CATIP: variants seen among roughly 807,000 people sequenced by gnomAD.
CATIP encodes ciliogenesis associated TTC17 interacting protein.
CATIP carries 40 observed loss-of-function variants against 42.5 expected under a neutral mutation model. The observed-to-expected ratio is 0.94, with a 90% confidence interval of 0.73 to 1.22. The LOEUF (loss-of-function observed/expected upper bound fraction) is 1.22, where lower values mean the gene tolerates loss of function less well. Ranked by LOEUF, CATIP falls within the 50% of genes most tolerant of loss-of-function variation. The probability of loss-of-function intolerance (pLI) is 0.00; values close to 1 mark genes in which losing one functional copy is unlikely to be tolerated. For missense variants in CATIP, 489 were observed against 496.0 expected (o/e 0.99, Z 0.13); for synonymous variants, 222 against 200.2 (o/e 1.11, Z -0.92).
intron 6 of CATIP, among the ~76,000 whole-genome samples, chr2:218,363,485 CAAAA>C (rs35752655): frequency 1.1e-5 from 1 of 89,840 alleles, no homozygotes; most frequent in African/African-American, 4.8e-5. Flanking sequence ...GACTCTGTCT[CAAAA>C]AAAAAAAACA....
In CATIP at chr2:218,367,819, CGGA is replaced by C; in HGVS notation, c.1023_1025del (p.Glu341del). 1.9e-6 allele frequency: 3 copies of C among 1,613,120 alleles called. 1 individual carries two copies. In the South Asian group the frequency reaches 3.3e-5, roughly 18 times the overall value. On this transcript the variant is annotated inframe_deletion, in exon 10 of 10. Coordinates refer to ENST00000289388, the MANE Select transcript of CATIP (RefSeq NM_198559.2). ...CTGCTCTTCCTGCTGCTGCGCCAGCCGGAGGACGTGGTCACCTTCGCCGCCGAG... is the reference window on the plus strand; with the variant it reads ...CTGCTCTTCCTGCTGCTGCGCCAGCCGGACGTGGTCACCTTCGCCGCCGAG...
At position 218,357,955 on chromosome 2, in the gene CATIP, C is replaced by T; in HGVS notation, c.320-82C>T. ...CTGGGACCGTATTACACCTAGTCCT[C>T]CAGCTGCGCCACCACCTTCCCTTCC... On this transcript the variant is annotated intron_variant, in intron 3 of 9. Coordinates refer to ENST00000289388, the MANE Select transcript of CATIP (RefSeq NM_198559.2). The T allele has an allele frequency of 2.2e-6, 3 of 1,352,384 alleles. No individual in the cohort carries two copies. In the East Asian group the frequency reaches 6.9e-5, roughly 31 times the overall value. The allele number at this position is 1,352,384 out of a possible 1,614,324, so 83.8% of individuals were successfully genotyped here. A position where few individuals can be genotyped will look rare whatever the true frequency, so the allele number is the denominator to read the frequency against.
At position 218,362,716 on chromosome 2, in the gene CATIP, C is replaced by G; in HGVS notation, c.463-19C>G. On this transcript the variant is annotated intron_variant, in intron 5 of 9. Transcript: ENST00000289388. ...CCCTTCCTGGTTCCAGGACCCTGAC[C>G]CAGATCAGTTCTGAACAGGAAGTGA... 1 of 1,611,008 alleles carries G rather than the reference C, an allele frequency of 6.2e-7. No individual in the cohort carries two copies.
rs776746427 is a variant in CATIP, at chr2:218,364,669, G to A, written c.672G>A (p.Gln224=). 3.7e-6 allele frequency: 6 copies of A among 1,614,008 alleles called. No homozygotes were observed. The highest frequency in any genetic ancestry group is 4.2e-6 in the Non-Finnish European group (5 of 1,179,982). Residue 224 remains glutamine (Q), a synonymous_variant, in exon 7 of 10, where the codon CAG becomes CAA. Coordinates refer to ENST00000289388, the MANE Select transcript of CATIP (RefSeq NM_198559.2). Reference sequence around the variant, plus strand: ...AGACCATCCAGGTAGACCATCAGCAGGCTGAAGTCTTCATCGTGGAGCAGA... The same window carrying A: ...AGACCATCCAGGTAGACCATCAGCAAGCTGAAGTCTTCATCGTGGAGCAGA... The part of the protein sequence containing the change: ...GFQTIQVDHQ[Q]AEVFIVEQTV...
chr2:218,356,908 A>G lies in CATIP; in HGVS notation c.24A>G (p.Thr8=). 1.9e-6 allele frequency: 3 copies of G among 1,614,030 alleles called. No homozygotes were observed. The highest frequency in any genetic ancestry group is 2.5e-6 in the Non-Finnish European group (3 of 1,179,978). The change falls in exon 1 of 10, where the codon ACA becomes ACG. Residue 8 remains threonine (T), a splice_region_variant and synonymous_variant. Coordinates refer to ENST00000289388, the MANE Select transcript of CATIP (RefSeq NM_198559.2). MSSKVYS[T]GSRAKDHQPS... is the part of the protein sequence containing the mutation. ...GCATGTCCTCCAAGGTTTACTCCACAGGTGGGAAGAGGACTGCTGGGGCTG... is the reference window on the plus strand; with the variant it reads ...GCATGTCCTCCAAGGTTTACTCCACGGGTGGGAAGAGGACTGCTGGGGCTG...
At chr2:218,357,025 C>A in intron 1 of CATIP, 70 bp from the exon 2 acceptor site, 4 of 1,562,206 alleles carry the variant, frequency 2.6e-6, no homozygotes, top group Non-Finnish European at 2.6e-6. Context: ...ACTGAGGTAC[C>A]CTGCCTTGCC....
Position 218,368,065 on chromosome 2 carries a change from G to C in CATIP, c.*101G>C. 7.5e-7 allele frequency: 1 copy of C among 1,330,642 alleles called. No homozygotes were observed. The highest frequency in any genetic ancestry group is 1.6e-5 in the South Asian group (1 of 64,446). The allele number at this position is 1,330,642 out of a possible 1,614,324, so 82.4% of individuals were successfully genotyped here. ...CGCTTTCCGGGCTGCGGTTTTGGGG[G>C]AATAAATGGGGCCCTCCCGCTTCTC... is the stretch of plus-strand genomic sequence containing the variant. On this transcript the variant is annotated 3_prime_UTR_variant, in exon 10 of 10. Transcript: ENST00000289388.
At chr2:218,358,219 G>C in intron 4 of CATIP, 127 bp downstream of exon 4, 1 of 748,596 alleles carries the variant, frequency 1.3e-6, no homozygotes, top group South Asian at 1.7e-5. Context: ...AATAGCAATC[G>C]TGTTATGATG....
At chr2:218,365,441 C>G (rs1356661886) in intron 7 of CATIP, 1 of 151,416 alleles carries the variant, frequency 6.6e-6, no homozygotes, top group Non-Finnish European at 1.5e-5. Context: ...AAAGAAAATT[C>G]AGGTGGAAGA....
intron 9 of CATIP, 37 bp from the exon 10 acceptor site, chr2:218,367,685 C>T: frequency 6.3e-7 from 1 of 1,577,698 alleles, no homozygotes; most frequent in Non-Finnish European, 8.6e-7. Flanking sequence ...GCGCGGGGGT[C>T]CCGTCCGGCT....
At chr2:218,361,326 A>T (rs1303309517) in intron 5 of CATIP, among the ~76,000 whole-genome samples, 2 of 151,730 alleles carry the variant, frequency 1.3e-5, no homozygotes, top group Non-Finnish European at 2.9e-5. Context: ...CTAAGCTGAG[A>T]TCACGCCACT....
chr2:218,363,339 A>C (rs1418672598), intron 6 of CATIP, among the ~76,000 whole-genome samples: 24 of 150,988 alleles, frequency 1.6e-4, no homozygotes, highest in Non-Finnish European at 2.7e-4. Flanking sequence ...AAAAAAAATC[A>C]GCGGGGCGTG....
intron 7 of CATIP, chr2:218,366,040 C>T (rs1033423078): frequency 2.6e-5 from 4 of 152,118 alleles, no homozygotes; most frequent in Non-Finnish European, 5.9e-5. Context: ...GTCTCAAACA[C>T]CTGACCTGAA....
chr2:218,361,360 C>T (rs1351274520), intron 5 of CATIP, among the ~76,000 whole-genome samples: 2 of 149,170 alleles, frequency 1.3e-5, no homozygotes, highest in African/African-American at 2.5e-5. Context: ...GGCGACAGAG[C>T]AAGACTCCGT....
intron 4 of CATIP, 37 bp downstream of exon 4, chr2:218,358,129 G>A: frequency 6.4e-7 from 1 of 1,566,360 alleles, no homozygotes; most frequent in Non-Finnish European, 8.7e-7. Flanking sequence ...CCAATCCAGG[G>A]GAGAGAAGAC....
intron 5 of CATIP, among the ~76,000 whole-genome samples, chr2:218,361,430 G>C (rs1018892986): frequency 2.0e-5 from 3 of 152,084 alleles, no homozygotes; most frequent in Non-Finnish European, 2.9e-5. Context: ...ACTCGAGGCA[G>C]GGAGGGGGCT....
intron 5 of CATIP, 120 bp from the exon 6 acceptor site, chr2:218,362,615 A>G (rs1695274616): frequency 4.0e-6 from 4 of 990,188 alleles, no homozygotes; most frequent in Non-Finnish European, 5.9e-6. Flanking sequence ...CTGGGTGACA[A>G]AAAGCGAAAC....
intron 4 of CATIP, among the ~76,000 whole-genome samples, chr2:218,358,883 C>CAAAAAAA (rs34797850): frequency 8.1e-6 from 1 of 123,730 alleles, no homozygotes; most frequent in Non-Finnish European, 1.6e-5. Flanking sequence ...GACCCTGTCT[C>CAAAAAAA]AAAAAAAAAA....
chr2:218,363,476 A>T (rs1316861129), intron 6 of CATIP, among the ~76,000 whole-genome samples: 1 of 141,746 alleles, frequency 7.1e-6, no homozygotes, highest in Admixed American at 7.3e-5. Context: ...ACAGAGCGAG[A>T]CTCTGTCTCA....
Sources: allele counts gnomAD v4.1 joint callset (sites outside exome capture counted in the v4.1 genomes callset), GRCh38; gene constraint gnomAD v4.1.1; transcripts MANE v1.5; gene names NCBI Gene and HGNC (gene_info 2026-07-23, HGNC 2026-07-21).